RAPGEF6: variants seen among roughly 807,000 people sequenced by gnomAD.
RAPGEF6 encodes the protein Rap guanine nucleotide exchange factor 6.
A neutral mutation model predicts 171.4 loss-of-function variants in RAPGEF6; 56 were observed. The ratio of observed to expected loss-of-function variants is 0.33; its 90% CI spans 0.26 to 0.41. RAPGEF6 has a LOEUF of 0.41. RAPGEF6 is among the 10% of genes least tolerant of loss of function. The pLI is 1.00. For missense variants in RAPGEF6, 1,674 were observed against 1,921.4 expected, an observed-to-expected ratio of 0.87 and a Z score of 2.41; for synonymous variants, 692 against 650.1, an observed-to-expected ratio of 1.06 and a Z score of -0.98.
chr5:131,576,044 T>C (rs938074641), intron 4 of RAPGEF6, among the ~76,000 whole-genome samples: 34 of 152,186 alleles, frequency 2.2e-4, no homozygotes, highest in African/African-American at 5.5e-4. Context: ...TCACTATTCA[T>C]TGAAACTCCT....
At chr5:131,579,729 C>T (rs1049487414) in intron 4 of RAPGEF6, among the ~76,000 whole-genome samples, 3 of 152,026 alleles carry the variant, frequency 2.0e-5, no homozygotes, top group Non-Finnish European at 4.4e-5. Flanking sequence ...AGACACAGAG[C>T]ACTGACTGGT....
At chr5:131,430,633 T>A in intron 26 of RAPGEF6, 1 of 675,428 alleles carries the variant, frequency 1.5e-6, no homozygotes, top group Non-Finnish European at 2.7e-6. Flanking sequence ...GTCCCTCTAA[T>A]TAAATACCTT....
Position 131,535,702 on chromosome 5 carries a change from C to T in RAPGEF6, c.495+12345G>A, listed in dbSNP as rs116759026. ...AAATACTTTTATAAAAGTGTAAATG[C>T]CATGTAGTTATTAAAATTTATGTTA... On this transcript the variant is annotated intron_variant, in intron 6 of 27. Transcript: ENST00000509018. 7.2e-3 allele frequency among the ~76,000 whole-genome samples: 1,097 copies of T among 152,078 alleles called. 7 individuals are homozygous for T. Among genetic ancestry groups the T allele is most frequent in the African/African-American group, 0.025 (1,017 of 41,498 alleles).
chr5:131,464,806 C>T (rs1045757889), intron 17 of RAPGEF6, among the ~76,000 whole-genome samples: 19 of 152,252 alleles, frequency 1.2e-4, no homozygotes, highest in African/African-American at 2.9e-4. Context: ...TTAGAAGGCA[C>T]GCATACTTTT....
intron 18 of RAPGEF6, among the ~76,000 whole-genome samples, chr5:131,462,741 T>C (rs889616044): frequency 6.6e-6 from 1 of 152,166 alleles, no homozygotes; most frequent in Non-Finnish European, 1.5e-5. Flanking sequence ...ACAGGAAACA[T>C]CTTGTGCAGG....
intron 3 of RAPGEF6, among the ~76,000 whole-genome samples, chr5:131,600,328 C>G (rs1361104580): frequency 6.6e-6 from 1 of 152,132 alleles, no homozygotes; most frequent in Non-Finnish European, 1.5e-5. Flanking sequence ...TCAAGACCAG[C>G]CTGGCCAATG....
At chr5:131,531,093 C>T (rs1312044126) in intron 6 of RAPGEF6, among the ~76,000 whole-genome samples, 1 of 152,168 alleles carries the variant, frequency 6.6e-6, no homozygotes, top group Admixed American at 6.5e-5. Context: ...TTTCCAGAAG[C>T]TGCCTTTAAG....
At position 131,446,512 on chromosome 5, in the gene RAPGEF6, G is replaced by A; in HGVS notation, c.3392C>T (p.Ser1131Leu). 1 of 1,614,156 alleles carries A rather than the reference G, an allele frequency of 6.2e-7. No individual in the cohort carries two copies. Among genetic ancestry groups the A allele is most frequent in the Non-Finnish European group, 8.5e-7 (1 of 1,180,000 alleles). The change falls in exon 22 of 28, where the codon TCA becomes TTA. Residue 1131 changes from serine to leucine, a missense_variant. This residue lies in a region of RAPGEF6 where 552 missense variants were observed against 574.2 expected (regional missense o/e 0.96). Transcript: ENST00000509018. ...ACCATATGCAGGCTCCCACTGTAAT[G>A]ACATCATCTGGAACTTCTCCTCATC... ...ETDEEKFQMMSLQWEPAYGTL... is the reference protein window; with the variant it reads ...ETDEEKFQMMLLQWEPAYGTL...
At chr5:131,454,066 G>A (rs761573988) in intron 20 of RAPGEF6, among the ~76,000 whole-genome samples, 2 of 152,166 alleles carry the variant, frequency 1.3e-5, no homozygotes, top group Non-Finnish European at 1.5e-5. Flanking sequence ...AGGTGTATCT[G>A]ATTTCAGAAA....
At chr5:131,559,251 T>C (rs944327966) in intron 5 of RAPGEF6, among the ~76,000 whole-genome samples, 4 of 151,948 alleles carry the variant, frequency 2.6e-5, no homozygotes, top group African/African-American at 9.7e-5. Flanking sequence ...ATCACTTAAG[T>C]CTGGGAGACA....
At chr5:131,606,364 GAAAA>G (rs11357225) in intron 1 of RAPGEF6, among the ~76,000 whole-genome samples, 2 of 113,198 alleles carry the variant, frequency 1.8e-5, no homozygotes. Flanking sequence ...CATCTCAAGG[GAAAA>G]AAAAAAAAAA....
intron 12 of RAPGEF6, among the ~76,000 whole-genome samples, chr5:131,497,047 TCC>T (rs931442254): frequency 1.8e-4 from 28 of 152,250 alleles, no homozygotes; most frequent in African/African-American, 6.5e-4. Context: ...TTTTCTTTTT[TCC>T]CCCTTTTTAA....
chr5:131,431,318 A>C lies in RAPGEF6; in HGVS notation c.4006T>G (p.Cys1336Gly). Reference sequence around the variant, plus strand: ...CTCACAGACGATGAGACAGCTAAACACTTGATTAGAGATGGCTTCAAGAGT... The same window carrying C: ...CTCACAGACGATGAGACAGCTAAACCCTTGATTAGAGATGGCTTCAAGAGT... ...WTLLKPSLIK[C>G]LAVSSSVSNE... Residue 1336 changes from cysteine to glycine, a missense_variant, in exon 26 of 28, where the codon TGT becomes GGT. By Grantham distance (159) the Cys-to-Gly change is radical. Coordinates refer to ENST00000509018, the MANE Select transcript of RAPGEF6 (RefSeq NM_016340.6). 1 of 1,608,550 alleles carries C rather than the reference A, an allele frequency of 6.2e-7. No individual in the cohort carries two copies. The highest frequency in any genetic ancestry group is 1.3e-5 in the African/African-American group (1 of 74,920).
chr5:131,634,942 T>G lies in RAPGEF6; in HGVS notation c.69+20A>C. The stretch of plus-strand genomic sequence containing the variant: ...TGTCTACTGGACTGTGAGACGCACA[T>G]AAAGGTCAACCAGCCTCACCTCGGG... On this transcript the variant is annotated intron_variant, in intron 1 of 27. Transcript: ENST00000509018. 1 of 1,613,948 alleles carries G rather than the reference T, an allele frequency of 6.2e-7. No homozygotes were observed. The highest frequency in any genetic ancestry group is 1.1e-5 in the South Asian group (1 of 91,074).
At chr5:131,464,444 C>CTT (rs374880967) in intron 17 of RAPGEF6, 163 bp from the exon 18 acceptor site, 169 of 464,150 alleles carry the variant, frequency 3.6e-4, no homozygotes, top group Middle Eastern at 1.2e-3. Flanking sequence ...TAAATATATC[C>CTT]TTTTTTTTTT....
chr5:131,603,282 C>A lies in RAPGEF6; in HGVS notation c.186G>T (p.Gln62His). Residue 62 changes from glutamine (Q) to histidine (H), a missense_variant, in exon 3 of 28, where the codon CAG becomes CAT. By Grantham distance (24) the Gln-to-His change is conservative (BLOSUM62 0). Around this residue, in one of 3 missense-constraint regions of RAPGEF6, gnomAD observed 1,116 missense variants for 1,321.5 expected, o/e 0.84. Coordinates refer to ENST00000509018, the MANE Select transcript of RAPGEF6 (RefSeq NM_016340.6). ...RARYERYSGN[Q>H]VLFCSETIAR... ...ATGGAAATACTTACCAAAAGAGAACCTGATTGCCACTGTATCTCTCATAGC... is the reference window on the plus strand; with the variant it reads ...ATGGAAATACTTACCAAAAGAGAACATGATTGCCACTGTATCTCTCATAGC... The A allele has an allele frequency of 6.3e-7, 1 of 1,582,176 alleles. No individual in the cohort carries two copies. The highest frequency in any genetic ancestry group is 1.2e-5 in the South Asian group (1 of 82,820).
At chr5:131,599,256 T>C (rs1164016689) in intron 3 of RAPGEF6, among the ~76,000 whole-genome samples, 1 of 151,944 alleles carries the variant, frequency 6.6e-6, no homozygotes, top group Non-Finnish European at 1.5e-5. Context: ...GAACCCAGGA[T>C]GCAGAGGTTG....
chr5:131,616,561 T>A (rs998466033), intron 1 of RAPGEF6, among the ~76,000 whole-genome samples: 7 of 152,134 alleles, frequency 4.6e-5, no homozygotes, highest in Non-Finnish European at 8.8e-5. Flanking sequence ...GCTTAAAAAA[T>A]TTTTGCATTT....
chr5:131,573,993 C>G (rs73262181), intron 4 of RAPGEF6, among the ~76,000 whole-genome samples: 105 of 152,282 alleles, frequency 6.9e-4, no homozygotes, highest in African/African-American at 2.5e-3. Flanking sequence ...GAAGAAGCCA[C>G]CAAGCAGCAG....
Sources: allele counts gnomAD v4.1 joint callset (sites outside exome capture counted in the v4.1 genomes callset), GRCh38; gene constraint gnomAD v4.1.1; regional missense constraint gnomAD v4.1.1; transcripts MANE v1.5; gene names NCBI Gene and HGNC (gene_info 2026-07-23, HGNC 2026-07-21).